The following CCDC7 variants were observed in gnomAD, a reference collection of about 807,000 sequenced individuals.
CCDC7 encodes coiled-coil domain-containing protein 7.
CCDC7 carries 183 observed loss-of-function variants against 196.9 expected under a neutral mutation model. The observed-to-expected ratio is 0.93, with a 90% CI of 0.82 to 1.05. The LOEUF (loss-of-function observed/expected upper bound fraction) is 1.05. CCDC7 is among the 50% of genes least tolerant of loss of function. CCDC7 has a pLI of 0.00. For missense variants in CCDC7, 1,540 were observed against 1,482.2 expected (o/e 1.04, Z -0.64); for synonymous variants, 525 against 484.6 (o/e 1.08, Z -1.10).
intron 2 of CCDC7, among the ~76,000 whole-genome samples, chr10:32,456,026 A>G (rs1283806266): frequency 6.6e-6 from 1 of 152,120 alleles, no homozygotes; most frequent in Non-Finnish European, 1.5e-5. Context: ...ATGGCTGGGT[A>G]TATGTCACTG....
intron 18 of CCDC7, among the ~76,000 whole-genome samples, chr10:32,629,636 T>C (rs1020074032): frequency 6.6e-5 from 10 of 152,110 alleles, no homozygotes; most frequent in Non-Finnish European, 1.3e-4. Context: ...AGACTTTGGG[T>C]CTGGAGTTGC....
At chr10:32,494,859 G>A (rs1419577965) in intron 9 of CCDC7, among the ~76,000 whole-genome samples, 1 of 152,134 alleles carries the variant, frequency 6.6e-6, no homozygotes, top group Non-Finnish European at 1.5e-5. Context: ...TAACATATGT[G>A]TGCATGTGTT....
intron 24 of CCDC7, among the ~76,000 whole-genome samples, chr10:32,709,459 T>TA (rs1400849425): frequency 5.3e-5 from 8 of 151,970 alleles, no homozygotes; most frequent in Admixed American, 1.3e-4. Context: ...CCCTAGAACT[T>TA]AAAGTATAAT....
intron 28 of CCDC7, among the ~76,000 whole-genome samples, chr10:32,737,288 T>G (rs559381094): frequency 9.2e-5 from 14 of 152,322 alleles, no homozygotes; most frequent in African/African-American, 3.4e-4. Flanking sequence ...TTTGCATCTT[T>G]ATTCATGAGA....
At chr10:32,845,715 C>G (rs2093248469) in intron 35 of CCDC7, 89 bp downstream of exon 36, 3 of 1,253,518 alleles carry the variant, frequency 2.4e-6, no homozygotes, top group Non-Finnish European at 3.5e-6. Flanking sequence ...GGCAATAGTA[C>G]CTATATGTTG....
At chr10:32,765,625 T>C (rs2078162752) in intron 28 of CCDC7, among the ~76,000 whole-genome samples, 4 of 152,016 alleles carry the variant, frequency 2.6e-5, no homozygotes, top group Non-Finnish European at 5.9e-5. Flanking sequence ...TCAGAGAGAT[T>C]TGGAAGATTA....
At chr10:32,817,386 G>A (rs2088956943) in intron 31 of CCDC7, among the ~76,000 whole-genome samples, 2 of 152,200 alleles carry the variant, frequency 1.3e-5, no homozygotes, top group Non-Finnish European at 2.9e-5. Context: ...GTGACAGGGA[G>A]AATGGAACCA....
At chr10:32,539,952 T>G (rs1229697460) in intron 11 of CCDC7, among the ~76,000 whole-genome samples, 1 of 152,180 alleles carries the variant, frequency 6.6e-6, no homozygotes, top group Non-Finnish European at 1.5e-5. Context: ...TTGGAGTATG[T>G]GCTATGTCGT....
chr10:32,462,821 T>C, intron 4 of CCDC7, 118 bp downstream of exon 5: 5 of 1,268,200 alleles, frequency 3.9e-6, no homozygotes, highest in Non-Finnish European at 5.4e-6. Context: ...TGCTGCTCTA[T>C]ATATTTAAGA....
At chr10:32,814,952 T>C (rs1479801084) in intron 31 of CCDC7, among the ~76,000 whole-genome samples, 1 of 152,136 alleles carries the variant, frequency 6.6e-6, no homozygotes, top group Non-Finnish European at 1.5e-5. Flanking sequence ...ACTGTTTGCA[T>C]GCCCAAGGAG....
exon 40 of CCDC7, chr10:32,851,871 T>C (rs1287483118): frequency 4.3e-6 from 7 of 1,612,460 alleles, no homozygotes; most frequent in Non-Finnish European, 5.9e-6. Context: ...ATAGAACATA[T>C]AGGGCTGGTC....
rs1471214498 is a variant in CCDC7, at chr10:32,726,715, T to C, written c.2570-19T>C. On this transcript the variant is annotated intron_variant, in intron 25 of 41. Coordinates refer to ENST00000639629, the Ensembl canonical transcript of CCDC7. ...ATTTAGCGGACTAAATGTATCTCTT[T>C]ATGTGGTTCATTTTGTAGTACCAGA... is the stretch of plus-strand genomic sequence containing the variant. 3.6e-6 allele frequency: 5 copies of C among 1,398,928 alleles called. No individual in the cohort carries two copies. The highest frequency in any genetic ancestry group is 5.0e-6 in the Non-Finnish European group (5 of 991,424). The allele number at this position is 1,398,928 out of a possible 1,614,324, so 86.7% of individuals were successfully genotyped here.
chr10:32,701,667 G>A (rs1187412104), intron 24 of CCDC7, among the ~76,000 whole-genome samples: 2 of 152,074 alleles, frequency 1.3e-5, no homozygotes, highest in Non-Finnish European at 2.9e-5. Context: ...TAGGTTGGTA[G>A]GCTACTAATT....
At chr10:32,654,715 C>T (rs2069443007) in intron 20 of CCDC7, among the ~76,000 whole-genome samples, 1 of 152,076 alleles carries the variant, frequency 6.6e-6, no homozygotes, top group Non-Finnish European at 1.5e-5. Flanking sequence ...GTAACTCTGC[C>T]TTAGCCTTCA....
chr10:32,670,346 G>A (rs1163810483), intron 21 of CCDC7, among the ~76,000 whole-genome samples: 1 of 151,094 alleles, frequency 6.6e-6, no homozygotes, highest in Non-Finnish European at 1.5e-5. Context: ...ATTCTAAGTT[G>A]CTTCCTGTTG....
intron 29 of CCDC7, among the ~76,000 whole-genome samples, chr10:32,790,298 A>C (rs149108680): frequency 6.6e-6 from 1 of 152,160 alleles, no homozygotes; most frequent in African/African-American, 2.4e-5. Context: ...CAGACTGTCC[A>C]TGACATTCTC....
intron 28 of CCDC7, among the ~76,000 whole-genome samples, chr10:32,767,534 A>G (rs960497519): frequency 2.0e-5 from 3 of 152,098 alleles, no homozygotes; most frequent in African/African-American, 7.2e-5. Flanking sequence ...GCTGAAAAGA[A>G]TGCTCCAGGA....
At chr10:32,729,036 T>C in intron 27 of CCDC7, 39 bp downstream of exon 28, 1 of 1,327,436 alleles carries the variant, frequency 7.5e-7, no homozygotes. Context: ...AATTATTTTA[T>C]GTTGAACTCA....
intron 41 of CCDC7, among the ~76,000 whole-genome samples, chr10:32,870,568 C>T (rs1254834161): frequency 6.6e-6 from 1 of 152,098 alleles, no homozygotes; most frequent in African/African-American, 2.4e-5. Flanking sequence ...TTCCTCTTTT[C>T]CTAATTGAAT....
Sources: allele counts gnomAD v4.1 joint callset (sites outside exome capture counted in the v4.1 genomes callset), GRCh38; gene constraint gnomAD v4.1.1; transcripts MANE v1.5; gene names NCBI Gene and HGNC (gene_info 2026-07-23, HGNC 2026-07-21).